The following DPYD variants were observed in gnomAD, a reference collection of about 807,000 sequenced individuals.
The protein encoded by DPYD is dihydropyrimidine dehydrogenase [NADP(+)].
Under a neutral mutation model 116.2 loss-of-function variants are expected in DPYD, and 109 were observed. The ratio of observed to expected loss-of-function variants is 0.94; its 90% CI spans 0.80 to 1.10. DPYD has a LOEUF of 1.10. Among genes scored for constraint, DPYD ranks in the 50% least tolerant of loss-of-function variants. DPYD has a pLI of 0.00. For synonymous variants in DPYD, 440 were observed against 432.0 expected, an observed-to-expected ratio of 1.02 and a Z score of -0.23; for missense variants, 1,302 against 1,254.5, an observed-to-expected ratio of 1.04 and a Z score of -0.57.
chr1:97,454,395 T>C (rs1332199688), intron 13 of DPYD, among the ~76,000 whole-genome samples: 1 of 151,898 alleles, frequency 6.6e-6, no homozygotes, highest in Admixed American at 6.6e-5. Context: ...CTTTAATATT[T>C]AATGGCTAAG....
At chr1:97,607,279 G>T (rs549398426) in intron 8 of DPYD, among the ~76,000 whole-genome samples, 11 of 152,034 alleles carry the variant, frequency 7.2e-5, no homozygotes, top group South Asian at 4.1e-4. Context: ...TCAGCTTTCT[G>T]TTGTATCTCA....
intron 2 of DPYD, among the ~76,000 whole-genome samples, chr1:97,846,334 C>T (rs1360103484): frequency 5.4e-4 from 83 of 152,318 alleles, no homozygotes; most frequent in African/African-American, 1.9e-3. Flanking sequence ...AACTGGGAAT[C>T]TAATAAATAA....
chr1:97,876,349 G>A (rs1209918311), intron 2 of DPYD, among the ~76,000 whole-genome samples: 2 of 152,110 alleles, frequency 1.3e-5, no homozygotes, highest in East Asian at 2.0e-4. Flanking sequence ...GACAGTGGAA[G>A]CCCTTTGGGC....
chr1:97,680,219 A>C (rs1236481189), intron 7 of DPYD, among the ~76,000 whole-genome samples: 3 of 152,184 alleles, frequency 2.0e-5, no homozygotes, highest in Non-Finnish European at 4.4e-5. Context: ...AAAAGCTATC[A>C]TAGTTGGGAA....
At chr1:97,797,992 T>C (rs1330596425) in intron 3 of DPYD, 1 of 152,100 alleles carries the variant, frequency 6.6e-6, no homozygotes, top group Non-Finnish European at 1.5e-5. Context: ...CAACTAACTC[T>C]GGGGAACATA....
At chr1:97,437,166 C>T (rs1675517282) in intron 14 of DPYD, among the ~76,000 whole-genome samples, 1 of 151,740 alleles carries the variant, frequency 6.6e-6, no homozygotes, top group South Asian at 2.1e-4. Flanking sequence ...CCATGTGACT[C>T]TTTATAACTC....
intron 3 of DPYD, among the ~76,000 whole-genome samples, chr1:97,743,613 C>A (rs1240982782): frequency 1.3e-5 from 2 of 152,026 alleles, no homozygotes; most frequent in African/African-American, 4.8e-5. Flanking sequence ...TACTGCATTA[C>A]AATGATATAG....
chr1:97,289,056 C>T (rs1346346149), intron 18 of DPYD, among the ~76,000 whole-genome samples: 1 of 152,144 alleles, frequency 6.6e-6, no homozygotes, highest in African/African-American at 2.4e-5. Flanking sequence ...ATACTACAAA[C>T]ACCTTTACAC....
chr1:97,195,504 T>TG (rs1658690943), intron 19 of DPYD, among the ~76,000 whole-genome samples: 1 of 104,316 alleles, frequency 9.6e-6, no homozygotes, highest in South Asian at 3.8e-4. Flanking sequence ...GGTTCCAGAA[T>TG]GGGGAATGGG....
chr1:97,330,403 G>C (rs1021872879), intron 16 of DPYD, among the ~76,000 whole-genome samples: 4 of 152,080 alleles, frequency 2.6e-5, no homozygotes, highest in African/African-American at 9.7e-5. Flanking sequence ...TATTTGCCTA[G>C]TAGTGGGCTG....
intron 13 of DPYD, among the ~76,000 whole-genome samples, chr1:97,455,177 A>G (rs1010349830): frequency 6.6e-6 from 1 of 151,854 alleles, no homozygotes; most frequent in African/African-American, 2.4e-5. Context: ...GCTTTCTGAA[A>G]GTACTAGTGA....
intron 19 of DPYD, among the ~76,000 whole-genome samples, chr1:97,215,153 C>G (rs1359820775): frequency 6.6e-6 from 1 of 152,178 alleles, no homozygotes; most frequent in African/African-American, 2.4e-5. Context: ...TGAATCCTCA[C>G]AACCATACTA....
chr1:97,249,601 A>AC (rs1258673535), intron 18 of DPYD, among the ~76,000 whole-genome samples: 1 of 152,120 alleles, frequency 6.6e-6, no homozygotes, highest in Admixed American at 6.5e-5. Context: ...ACTAATTTAA[A>AC]AAAAAAATTG....
intron 1 of DPYD, among the ~76,000 whole-genome samples, chr1:97,900,601 G>T (rs917641575): frequency 4.0e-5 from 6 of 151,800 alleles, no homozygotes; most frequent in African/African-American, 1.5e-4. Context: ...ATGATCAATG[G>T]AAATTTTATT....
intron 19 of DPYD, among the ~76,000 whole-genome samples, chr1:97,224,527 A>T (rs1426750401): frequency 6.6e-6 from 1 of 151,942 alleles, no homozygotes; most frequent in Non-Finnish European, 1.5e-5. Flanking sequence ...AGTGTCTAAA[A>T]TCTACTCTCT....
chr1:97,113,580 C>T (rs746778405), intron 20 of DPYD, among the ~76,000 whole-genome samples: 1 of 152,000 alleles, frequency 6.6e-6, no homozygotes, highest in Non-Finnish European at 1.5e-5. Flanking sequence ...TTTTGTGGAA[C>T]GTCTTTCCAA....
At chr1:97,323,223 C>T in intron 16 of DPYD, among the ~76,000 whole-genome samples, 1 of 143,528 alleles carries the variant, frequency 7.0e-6, no homozygotes, top group Non-Finnish European at 1.5e-5. Context: ...TGTATACATA[C>T]ATATGTATAT....
chr1:97,546,697 C>T (rs987798222), intron 12 of DPYD: 105 of 1,612,854 alleles, frequency 6.5e-5, no homozygotes, highest in Non-Finnish European at 8.8e-5. Flanking sequence ...TGTGTGTACA[C>T]TAAAAGATAC....
At chr1:97,631,204 TTC>T (rs1657237871) in intron 8 of DPYD, among the ~76,000 whole-genome samples, 1 of 152,030 alleles carries the variant, frequency 6.6e-6, no homozygotes, top group Admixed American at 6.6e-5. Flanking sequence ...GTTTCAAGCA[TTC>T]TGTTTGGCCA....
Sources: gnomAD v4.1 joint callset for allele counts (sites outside exome capture counted in the v4.1 genomes callset) on GRCh38, gnomAD v4.1.1 for gene constraint, MANE v1.5 for transcripts, NCBI Gene and HGNC (gene_info 2026-07-23, HGNC 2026-07-21) for gene names.